The following PEX1 variants were observed in gnomAD, a reference collection of about 807,000 sequenced individuals.
PEX1 encodes peroxisomal ATPase PEX1.
PEX1 carries 97 observed loss-of-function variants against 152.5 expected under a neutral mutation model. That is an observed-to-expected ratio of 0.64 (90% CI 0.54 to 0.75). The LOEUF (loss-of-function observed/expected upper bound fraction) is 0.75, where lower values mean the gene tolerates loss of function less well. PEX1 is among the 30% of genes least tolerant of loss of function. The pLI is 0.00. For missense variants in PEX1, 1,357 were observed against 1,516.3 expected, an observed-to-expected ratio of 0.89 and a Z score of 1.74; for synonymous variants, 485 against 531.6, an observed-to-expected ratio of 0.91 and a Z score of 1.21.
Position 92,503,096 on chromosome 7 carries a change from G to C in PEX1, c.2171C>G (p.Ser724Cys), listed in dbSNP as rs774355563. Residue 724 changes from serine to cysteine, a missense_variant, in exon 13 of 24, where the codon TCT (serine) becomes TGT (cysteine). By Grantham distance (112) the Ser-to-Cys change is moderately radical. Coordinates refer to ENST00000248633, the MANE Select transcript of PEX1 (RefSeq NM_000466.3). ...CTGAAATATGTGAACTCCTTGAGCA[G>C]AAACAAGTAAAGGATGTAGAGATTG... ...SQQSLHPLLV[S>C]AQGVHIFQCV... 1 of 1,613,824 alleles carries C rather than the reference G, an allele frequency of 6.2e-7. No homozygotes were observed. Among genetic ancestry groups the C allele is most frequent in the Non-Finnish European group, 8.5e-7 (1 of 1,179,798 alleles).
In PEX1 at chr7:92,525,642, T is replaced by TG. The variant is rs369246494; in HGVS notation, c.129+2664_129+2665insC. ...TAGAGGCCAAGGGTGCTGTTAAACA[T>TG]CTTAAAATGTACAGGAGAGCCCCCA... On this transcript the variant is annotated intron_variant, in intron 1 of 23. Coordinates refer to ENST00000248633, the MANE Select transcript of PEX1 (RefSeq NM_000466.3). 7.4e-4 allele frequency among the ~76,000 whole-genome samples: 112 copies of TG among 152,252 alleles called. 2 individuals carry two copies. Among genetic ancestry groups the TG allele is most frequent in the African/African-American group, 2.6e-3 (107 of 41,548 alleles).
intron 4 of PEX1, 49 bp downstream of exon 4, chr7:92,518,092 T>C: frequency 6.2e-7 from 1 of 1,608,324 alleles, no homozygotes; most frequent in East Asian, 2.2e-5. Context: ...TACTTTGGAC[T>C]CAATGCTATA....
Position 92,518,979 on chromosome 7 carries a change from ATTTGGTTTTC to A in PEX1, c.357+6_357+15del. 1 of 1,563,274 alleles carries A rather than the reference ATTTGGTTTTC, an allele frequency of 6.4e-7. No homozygotes were observed. Among genetic ancestry groups the A allele is most frequent in the Non-Finnish European group, 8.8e-7 (1 of 1,133,874 alleles). ...TTTAACCTTAAATGAGATAGTTCTT[ATTTGGTTTTC>A]TTTACCAGTATCTCCCAATCATCTG... On this transcript the variant is annotated splice_donor_region_variant and intron_variant, in intron 3 of 23. Transcript: ENST00000248633.
At chr7:92,524,008 G>A (rs541410876) in intron 1 of PEX1, among the ~76,000 whole-genome samples, 1 of 151,474 alleles carries the variant, frequency 6.6e-6, no homozygotes, top group African/African-American at 2.4e-5. Flanking sequence ...AAGCCAGCCT[G>A]GGCAACATGG....
chr7:92,494,057 T>G (rs1791512000), intron 19 of PEX1: 1 of 482,194 alleles, frequency 2.1e-6, no homozygotes, highest in Non-Finnish European at 3.8e-6. Flanking sequence ...TTGCATTTTT[T>G]TTTCCCCAAT....
At position 92,496,778 on chromosome 7, in the gene PEX1, C is replaced by T. The variant is rs1791673946; in HGVS notation, c.2719-1G>A. 1 of 1,595,294 alleles carries T rather than the reference C, an allele frequency of 6.3e-7. No homozygotes were observed. The highest frequency in any genetic ancestry group is 1.3e-5 in the African/African-American group (1 of 74,524). On this transcript the variant is annotated splice_acceptor_variant, in intron 16 of 23. Coordinates refer to ENST00000248633, the MANE Select transcript of PEX1 (RefSeq NM_000466.3). LOFTEE classifies it high-confidence loss of function. ...TGTATTTGCTGAGTAACTCTGGCCC[C>T]TATTGGGTAAAATAAGAGTTGAGAT...
At chr7:92,515,941 T>C (rs1792719923) in intron 5 of PEX1, among the ~76,000 whole-genome samples, 1 of 146,546 alleles carries the variant, frequency 6.8e-6, no homozygotes, top group South Asian at 2.2e-4. Context: ...TTGTAGTGAG[T>C]GGAGGTGGTG....
At chr7:92,510,905 A>T (rs999314276) in intron 8 of PEX1, 39 bp downstream of exon 8, 1 of 1,063,908 alleles carries the variant, frequency 9.4e-7, no homozygotes, top group African/African-American at 1.6e-5. Context: ...CATATGTAAC[A>T]AATAGTATTT....
Position 92,489,334 on chromosome 7 carries a change from T to C in PEX1, c.3726A>G (p.Arg1242=), listed in dbSNP as rs1585209870. The C allele has an allele frequency of 6.2e-7, 1 of 1,613,448 alleles. No individual in the cohort carries two copies. Among genetic ancestry groups the C allele is most frequent in the Non-Finnish European group, 8.5e-7 (1 of 1,179,540 alleles). Residue 1242 remains arginine, a synonymous_variant, in exon 23 of 24, where the codon AGA becomes AGG. Coordinates refer to ENST00000248633, the MANE Select transcript of PEX1 (RefSeq NM_000466.3). The stretch of plus-strand genomic sequence containing the variant: ...TCCAGTCATCTTCACTAATGGATGG[T>C]CTTGTGTGACCAAGTGCAGTCATTA... The part of the protein sequence containing the change: ...SHLMTALGHT[R]PSISEDDWKN...
intron 22 of PEX1, 36 bp from the exon 23 acceptor site, chr7:92,489,459 T>C: frequency 6.3e-7 from 1 of 1,591,816 alleles, no homozygotes; most frequent in Non-Finnish European, 8.6e-7. Context: ...AGAGTTAAAT[T>C]AAGGATGTAA....
intron 16 of PEX1, among the ~76,000 whole-genome samples, chr7:92,499,414 A>C (rs1337359717): frequency 6.6e-6 from 1 of 152,244 alleles, no homozygotes; most frequent in Non-Finnish European, 1.5e-5. Context: ...TGAACCATGA[A>C]AACATTACAT....
chr7:92,521,821 A>T (rs184680694), intron 2 of PEX1, among the ~76,000 whole-genome samples: 2 of 152,336 alleles, frequency 1.3e-5, no homozygotes, highest in Admixed American at 6.5e-5. Flanking sequence ...AGTAGAACCT[A>T]GTAATTCAGA....
intron 13 of PEX1, among the ~76,000 whole-genome samples, chr7:92,502,815 A>G (rs1791995440): frequency 6.6e-6 from 1 of 152,230 alleles, no homozygotes; most frequent in Non-Finnish European, 1.5e-5. Flanking sequence ...ATTCAAAGAA[A>G]TACCATTTTC....
chr7:92,520,400 T>C (rs952878244), intron 2 of PEX1, among the ~76,000 whole-genome samples: 3 of 152,196 alleles, frequency 2.0e-5, no homozygotes, highest in Non-Finnish European at 2.9e-5. Flanking sequence ...AGATTTCTCA[T>C]GAGTAGCCTA....
At chr7:92,525,928 G>T (rs1402050140) in intron 1 of PEX1, among the ~76,000 whole-genome samples, 1 of 152,210 alleles carries the variant, frequency 6.6e-6, no homozygotes, top group African/African-American at 2.4e-5. Context: ...TAAAGACATG[G>T]AATTTGTATG....
At position 92,517,729 on chromosome 7, in the gene PEX1, CTCT is replaced by C. The variant is rs1343678976; in HGVS notation, c.783_785del (p.Glu262del). On this transcript the variant is annotated inframe_deletion, in exon 5 of 24. Coordinates refer to ENST00000248633, the MANE Select transcript of PEX1 (RefSeq NM_000466.3). ...TGATTTCAGTTAAACCCCAAGATGTCTCTTGTTTCTTCTCAGATTGAAAGGAAA... is the reference window on the plus strand; with the variant it reads ...TGATTTCAGTTAAACCCCAAGATGTCTGTTTCTTCTCAGATTGAAAGGAAA... 4.3e-6 allele frequency: 7 copies of C among 1,609,982 alleles called. No homozygotes were observed. Among genetic ancestry groups the C allele is most frequent in the Non-Finnish European group, 5.9e-6 (7 of 1,177,542 alleles).
Position 92,517,920 on chromosome 7 carries a change from GT to G in PEX1, c.594del (p.Lys198AsnfsTer12). ...TFSKADAEYK[K>X]LHSYGRDQKG... ...TTCTGGTCTCTTCCATAACTATGAA[GT>G]TTTTTATATTCAGCATCAGCTTTTG... is the stretch of plus-strand genomic sequence containing the variant. On this transcript the variant is annotated frameshift_variant, in exon 5 of 24. Transcript: ENST00000248633. LOFTEE classifies it high-confidence loss of function. The G allele has an allele frequency of 6.3e-7, 1 of 1,580,232 alleles. No homozygotes were observed. Among genetic ancestry groups the G allele is most frequent in the East Asian group, 2.2e-5 (1 of 44,648 alleles).
At chr7:92,499,615 A>T in intron 16 of PEX1, 89 bp downstream of exon 16, 1 of 1,124,668 alleles carries the variant, frequency 8.9e-7, no homozygotes, top group Non-Finnish European at 1.4e-6. Context: ...TGAATGCACT[A>T]AATGCCAGTG....
chr7:92,518,223 A>G lies in PEX1; in HGVS notation c.390T>C (p.Leu130=), dbSNP rs1307385167. The change falls in exon 4 of 24, where the codon CTT becomes CTC. Residue 130 remains leucine, a synonymous_variant. Coordinates refer to ENST00000248633, the MANE Select transcript of PEX1 (RefSeq NM_000466.3). ...GAAAAACTATTCGAATTTGATCTAG[A>G]AGATGTTGTTCAAGGGAAACAGCAT... ...ELHAVSLEQH[L]LDQIRIVFPK... 2 of 1,613,278 alleles carry G rather than the reference A, an allele frequency of 1.2e-6. No homozygotes were observed. The highest frequency in any genetic ancestry group is 1.7e-4 in the Middle Eastern group (1 of 6,054).
Sources: gnomAD v4.1 joint callset for allele counts (sites outside exome capture counted in the v4.1 genomes callset) on GRCh38, gnomAD v4.1.1 for gene constraint, MANE v1.5 for transcripts, NCBI Gene and HGNC (gene_info 2026-07-23, HGNC 2026-07-21) for gene names.